The following TWIST2 variants were observed in gnomAD, a reference collection of about 807,000 sequenced individuals.
TWIST2 encodes the protein twist-related protein 2.
TWIST2 carries 1 observed loss-of-function variant against 11.6 expected under a neutral mutation model. The ratio of observed to expected loss-of-function variants is 0.09; its 90% confidence interval spans 0.03 to 0.41. TWIST2 has a LOEUF of 0.41. Among genes scored for constraint, TWIST2 ranks in the 10% least tolerant of loss-of-function variants. The probability of loss-of-function intolerance (pLI) is 0.98; values close to 1 mark genes in which losing one functional copy is unlikely to be tolerated. For synonymous variants in TWIST2, 87 were observed against 96.6 expected, an observed-to-expected ratio of 0.90 and a Z score of 0.58; for missense variants, 168 against 226.4, an observed-to-expected ratio of 0.74 and a Z score of 1.66.
At chr2:238,903,131 GGTGT>G (rs1320327671) in intron 1 of TWIST2, among the ~76,000 whole-genome samples, 2 of 148,018 alleles carry the variant, frequency 1.4e-5, no homozygotes, top group South Asian at 2.2e-4. Flanking sequence ...TGTGATGTGG[GGTGT>G]GTGTCTCATG....
intron 1 of TWIST2, among the ~76,000 whole-genome samples, chr2:238,859,405 T>C (rs2106351604): frequency 6.6e-6 from 1 of 151,778 alleles, no homozygotes; most frequent in South Asian, 2.1e-4. Flanking sequence ...GGAGGGGGTG[T>C]CGGGGGTGAG....
intron 1 of TWIST2, among the ~76,000 whole-genome samples, chr2:238,905,797 TAAAA>T (rs2106375395): frequency 6.6e-6 from 1 of 152,224 alleles, no homozygotes; most frequent in African/African-American, 2.4e-5. Flanking sequence ...CAGGACCACT[TAAAA>T]AAGGCTTAAA....
chr2:238,884,894 C>T (rs1693004101), intron 1 of TWIST2, among the ~76,000 whole-genome samples: 1 of 152,210 alleles, frequency 6.6e-6, no homozygotes, highest in Non-Finnish European at 1.5e-5. Context: ...TCTTCCCAAA[C>T]CCACCAGTCT....
In TWIST2 at chr2:238,868,336, C is replaced by G. The variant is rs746377231; in HGVS notation, c.*35+19603C>G. On this transcript the variant is annotated intron_variant, in intron 1 of 1. Transcript: ENST00000612363. The stretch of plus-strand genomic sequence containing the variant: ...TGCCGGGAGCCCCCCGCCCCCCAGC[C>G]TGCTCTGGTAAGCGTCGGGCTTCTG... 5.3e-5 allele frequency among the ~76,000 whole-genome samples: 8 copies of G among 152,258 alleles called. 1 individual carries two copies.
At chr2:238,869,489 C>G (rs1245073651) in intron 1 of TWIST2, among the ~76,000 whole-genome samples, 1 of 152,142 alleles carries the variant, frequency 6.6e-6, no homozygotes, top group East Asian at 1.9e-4. Flanking sequence ...ATGCAGGACT[C>G]CTATGATTCA....
At chr2:238,901,240 G>A (rs1196860069) in intron 1 of TWIST2, among the ~76,000 whole-genome samples, 3 of 152,180 alleles carry the variant, frequency 2.0e-5, no homozygotes, top group South Asian at 2.1e-4. Flanking sequence ...GCCTCCCAAA[G>A]TGCTGGGATT....
chr2:238,901,844 G>GCTGTGATCTCTCTGT (rs1335991852), intron 1 of TWIST2, among the ~76,000 whole-genome samples: 123 of 152,210 alleles, frequency 8.1e-4, no homozygotes, highest in African/African-American at 2.8e-3. Flanking sequence ...TGTGAACTCT[G>GCTGTGATCTCTCTGT]CTGTGATCTC....
At chr2:238,879,021 A>G (rs1427990423) in intron 1 of TWIST2, among the ~76,000 whole-genome samples, 2 of 152,242 alleles carry the variant, frequency 1.3e-5, no homozygotes, top group African/African-American at 2.4e-5. Context: ...AAAAATTCTA[A>G]TTGTATAATA....
intron 1 of TWIST2, among the ~76,000 whole-genome samples, chr2:238,859,847 G>C (rs1437381938): frequency 6.6e-6 from 1 of 152,182 alleles, no homozygotes; most frequent in East Asian, 1.9e-4. Flanking sequence ...TGTTTCTTTT[G>C]CCTGCCCTCT....
In TWIST2 at chr2:238,899,439, A is replaced by G. The variant is rs939993130; in HGVS notation, c.*36-10403A>G. On this transcript the variant is annotated intron_variant, in intron 1 of 1. Transcript: ENST00000612363. ...TCACAGCACTGATGCAGCACGCCCT[A>G]TTGTTACCCTCACTTGGGTGTTTTG... Among the ~76,000 whole-genome samples the G allele has an allele frequency of 1.2e-3, 183 of 152,250 alleles. 1 individual carries two copies. The South Asian group carries it at 0.036, about 30-fold the overall frequency.
At chr2:238,894,874 A>G (rs1268325552) in intron 1 of TWIST2, among the ~76,000 whole-genome samples, 5 of 152,218 alleles carry the variant, frequency 3.3e-5, no homozygotes, top group Non-Finnish European at 7.3e-5. Flanking sequence ...TCTCTGTATT[A>G]TAATAATACA....
chr2:238,891,456 C>T (rs1225791350), intron 1 of TWIST2, among the ~76,000 whole-genome samples: 3 of 152,214 alleles, frequency 2.0e-5, no homozygotes, highest in Admixed American at 2.0e-4. Context: ...GTCTGCATTT[C>T]GGCCTGGACT....
At chr2:238,905,866 CGTGCGT>C (rs1693335080) in intron 1 of TWIST2, among the ~76,000 whole-genome samples, 9 of 116,532 alleles carry the variant, frequency 7.7e-5, no homozygotes, top group African/African-American at 3.5e-4. Context: ...CGTGTGTGTG[CGTGCGT>C]GTGTGTGCAT....
rs1397385355 is a variant in TWIST2, at chr2:238,902,806, G to T, written c.*36-7036G>T. Among the ~76,000 whole-genome samples the T allele has an allele frequency of 1.1e-3, 159 of 147,034 alleles. 1 individual carries two copies. Among genetic ancestry groups the T allele is most frequent in the African/African-American group, 3.6e-3 (143 of 39,746 alleles). ...GATGTGGGGTGTTGTGATGTGTGAG[G>T]TGTGTGTGATGTGTGTATGTGATAT... On this transcript the variant is annotated intron_variant, in intron 1 of 1. Transcript: ENST00000612363.
At chr2:238,897,213 C>G (rs1403804237) in intron 1 of TWIST2, among the ~76,000 whole-genome samples, 1 of 151,724 alleles carries the variant, frequency 6.6e-6, no homozygotes, top group African/African-American at 2.4e-5. Context: ...CCGCACTTCT[C>G]CCTTGGTTGC....
chr2:238,862,221 A>G (rs1481649483), intron 1 of TWIST2, among the ~76,000 whole-genome samples: 3 of 152,248 alleles, frequency 2.0e-5, no homozygotes, highest in African/African-American at 7.2e-5. Flanking sequence ...GCAATCATAA[A>G]TAAAATAGCA....
chr2:238,885,288 C>T (rs1272658874), intron 1 of TWIST2, among the ~76,000 whole-genome samples: 1 of 152,230 alleles, frequency 6.6e-6, no homozygotes, highest in Non-Finnish European at 1.5e-5. Flanking sequence ...TCCTTCAGTG[C>T]CACACAGTAC....
chr2:238,859,716 AG>A (rs1692397684), intron 1 of TWIST2, among the ~76,000 whole-genome samples: 1 of 152,142 alleles, frequency 6.6e-6, no homozygotes, highest in Non-Finnish European at 1.5e-5. Flanking sequence ...CTCCTGCTTC[AG>A]CACTTATCCA....
rs148192266 is a variant in TWIST2 at position 238,878,466 on chromosome 2, A to C, written c.*35+29733A>C. 4.0e-3 allele frequency among the ~76,000 whole-genome samples: 604 copies of C among 152,344 alleles called. 5 individuals are homozygous for C. Among genetic ancestry groups the C allele is most frequent in the African/African-American group, 0.014 (575 of 41,580 alleles). ...CTCATCCTAGTGCAGCATGGCCTCC[A>C]GAGCTTATTAAGGCCATGGGAATCT... On this transcript the variant is annotated intron_variant, in intron 1 of 1. Coordinates refer to ENST00000612363, the MANE Select transcript of TWIST2 (RefSeq NM_001271893.4).
Sources: gnomAD v4.1 joint callset for allele counts (sites outside exome capture counted in the v4.1 genomes callset) on GRCh38, gnomAD v4.1.1 for gene constraint, MANE v1.5 for transcripts, NCBI Gene and HGNC (gene_info 2026-07-23, HGNC 2026-07-21) for gene names.